Variants in EEFSEC observed in about 807,000 individuals in gnomAD.
The protein encoded by EEFSEC is eukaryotic elongation factor, selenocysteine-tRNA specific.
A neutral mutation model predicts 42.1 loss-of-function variants in EEFSEC; 43 were observed. The ratio of observed to expected loss-of-function variants is 1.02; its 90% CI spans 0.80 to 1.32. The LOEUF is 1.32. Among genes scored for constraint, EEFSEC ranks in the 40% most tolerant of loss-of-function variants. The probability of loss-of-function intolerance (pLI) is 0.00; values close to 1 mark genes in which losing one functional copy is unlikely to be tolerated. For synonymous variants in EEFSEC, 354 were observed against 339.1 expected, an observed-to-expected ratio of 1.04 and a Z score of -0.48; for missense variants, 745 against 803.6, an observed-to-expected ratio of 0.93 and a Z score of 0.88.
chr3:128,236,900 C>T (rs529113639), intron 1 of EEFSEC, among the ~76,000 whole-genome samples: 21 of 152,214 alleles, frequency 1.4e-4, no homozygotes, highest in Admixed American at 2.6e-4. Context: ...CTGTGAAATT[C>T]ACTTACTGTG....
rs577760105 is a variant in EEFSEC, at chr3:128,392,839, G to A, written c.1601-15230G>A. 8.5e-5 allele frequency among the ~76,000 whole-genome samples: 13 copies of A among 152,362 alleles called. No individual in the cohort carries two copies. In the East Asian group the frequency reaches 1.9e-3, roughly 23 times the overall value. On this transcript the variant is annotated intron_variant, in intron 6 of 6. Transcript: ENST00000254730. ...TAGGCTCGCTGTCTGCTGGCTCCAC[G>A]TGCCCTCGGGCTGGTGTGGGGCACC...
chr3:128,207,052 A>C (rs1035430851), intron 1 of EEFSEC, among the ~76,000 whole-genome samples: 1 of 152,178 alleles, frequency 6.6e-6, no homozygotes, highest in Non-Finnish European at 1.5e-5. Context: ...TGGATATCAG[A>C]GTGAAGAAGA....
At chr3:128,409,038 G>C (rs1340695543), downstream of EEFSEC, among the ~76,000 whole-genome samples, 1 of 152,156 alleles carries the variant, frequency 6.6e-6, no homozygotes, top group African/African-American at 2.4e-5. Flanking sequence ...AGAAAGTGGA[G>C]GCTAGCATGG....
chr3:128,228,096 G>A (rs1480848226), intron 1 of EEFSEC, among the ~76,000 whole-genome samples: 5 of 151,372 alleles, frequency 3.3e-5, no homozygotes, highest in South Asian at 2.1e-4. Flanking sequence ...GAACAGGCCC[G>A]GTCATCTCTG....
intron 4 of EEFSEC, among the ~76,000 whole-genome samples, chr3:128,275,556 A>G (rs1251927948): frequency 6.6e-6 from 1 of 152,228 alleles, no homozygotes; most frequent in African/African-American, 2.4e-5. Flanking sequence ...TGGGGTGGTC[A>G]GGCAGGCAGC....
chr3:128,265,819 A>T (rs561150657), intron 4 of EEFSEC, among the ~76,000 whole-genome samples: 1 of 152,376 alleles, frequency 6.6e-6, no homozygotes, highest in African/African-American at 2.4e-5. Flanking sequence ...ACAGATATCT[A>T]GGTATCTATA....
intron 4 of EEFSEC, among the ~76,000 whole-genome samples, chr3:128,329,084 C>T (rs1034949173): frequency 8.5e-5 from 13 of 152,186 alleles, no homozygotes; most frequent in Non-Finnish European, 1.6e-4. Flanking sequence ...TTCCCTATTT[C>T]TTCTTATCAT....
intron 4 of EEFSEC, among the ~76,000 whole-genome samples, chr3:128,329,370 G>C (rs1014725459): frequency 1.3e-5 from 2 of 152,246 alleles, no homozygotes; most frequent in Middle Eastern, 3.4e-3. Context: ...TCCTGAGCAT[G>C]CTCCTCTGTG....
chr3:128,274,815 C>T (rs1309685010), intron 4 of EEFSEC, among the ~76,000 whole-genome samples: 1 of 152,220 alleles, frequency 6.6e-6, no homozygotes, highest in Non-Finnish European at 1.5e-5. Context: ...GCAAGACACG[C>T]CCCTCTGTAT....
chr3:128,172,425 A>T (rs544549505), intron 1 of EEFSEC, among the ~76,000 whole-genome samples: 2 of 152,318 alleles, frequency 1.3e-5, no homozygotes, highest in South Asian at 4.1e-4. Flanking sequence ...ATGTCCATAA[A>T]TAAAGCTTCA....
At chr3:128,310,623 T>C (rs958214978) in intron 4 of EEFSEC, among the ~76,000 whole-genome samples, 1 of 152,258 alleles carries the variant, frequency 6.6e-6, no homozygotes, top group Admixed American at 6.5e-5. Flanking sequence ...GACTGTATCA[T>C]GACCCAATGC....
intron 5 of EEFSEC, among the ~76,000 whole-genome samples, chr3:128,343,747 C>T (rs1305878807): frequency 6.6e-6 from 1 of 152,144 alleles, no homozygotes; most frequent in Non-Finnish European, 1.5e-5. Flanking sequence ...AACATATGGC[C>T]TCAATGACTC....
At chr3:128,158,605 A>AT (rs1944420308) in intron 1 of EEFSEC, among the ~76,000 whole-genome samples, 1 of 152,356 alleles carries the variant, frequency 6.6e-6, no homozygotes, top group East Asian at 1.9e-4. Flanking sequence ...AATCATTAGC[A>AT]TTTTTTAGCA....
At chr3:128,153,962 C>T in intron 1 of EEFSEC, 139 bp downstream of exon 1, 2 of 1,269,066 alleles carry the variant, frequency 1.6e-6, no homozygotes, top group Non-Finnish European at 2.1e-6. Context: ...CCCCAAGAGG[C>T]GGACGTGACT....
chr3:128,153,990 C>G, intron 1 of EEFSEC, 167 bp downstream of exon 1: 1 of 987,444 alleles, frequency 1.0e-6, no homozygotes, highest in Non-Finnish European at 1.4e-6. Context: ...GGCTCCGCAG[C>G]AAGTGAGCGG....
chr3:128,170,298 C>T (rs769975933), intron 1 of EEFSEC, among the ~76,000 whole-genome samples: 1 of 152,186 alleles, frequency 6.6e-6, no homozygotes, highest in Non-Finnish European at 1.5e-5. Context: ...CACGGTGGCT[C>T]ACGCCTGTAA....
At chr3:128,251,114 C>G (rs2066182559) in intron 2 of EEFSEC, among the ~76,000 whole-genome samples, 1 of 151,810 alleles carries the variant, frequency 6.6e-6, no homozygotes, top group Non-Finnish European at 1.5e-5. Flanking sequence ...CTGAGTCCTC[C>G]CCCCATCTTT....
intron 4 of EEFSEC, among the ~76,000 whole-genome samples, chr3:128,305,441 A>G (rs1473869811): frequency 1.3e-5 from 2 of 152,194 alleles, no homozygotes; most frequent in African/African-American, 2.4e-5. Context: ...TAAAATAGTT[A>G]TCTATTCCTT....
chr3:128,422,963 C>T, the EEFSEC span, among the ~76,000 whole-genome samples: 6 of 152,352 alleles, frequency 3.9e-5, no homozygotes, highest in East Asian at 9.6e-4. Context: ...CCAAGAGGAC[C>T]TTTCCCAGGC....
Sources: gnomAD v4.1 joint callset for allele counts (sites outside exome capture counted in the v4.1 genomes callset) on GRCh38, gnomAD v4.1.1 for gene constraint, MANE v1.5 for transcripts, NCBI Gene and HGNC (gene_info 2026-07-23, HGNC 2026-07-21) for gene names.